The following LINGO2 variants were observed in gnomAD, a reference collection of about 807,000 sequenced individuals.
LINGO2 encodes the protein leucine rich repeat and Ig domain containing 2.
In LINGO2, 14 loss-of-function variants were observed where a neutral mutation model predicts 30.6. The ratio of observed to expected loss-of-function variants is 0.46; its 90% confidence interval spans 0.30 to 0.72. The LOEUF (loss-of-function observed/expected upper bound fraction) is 0.72, where lower values mean the gene tolerates loss of function less well. Ranked by LOEUF, LINGO2 falls within the 30% of genes least tolerant of loss-of-function variation. The pLI is 0.07. For synonymous variants in LINGO2, 317 were observed against 288.5 expected, an observed-to-expected ratio of 1.10 and a Z score of -1.00; for missense variants, 729 against 751.7, an observed-to-expected ratio of 0.97 and a Z score of 0.35.
At chr9:28,853,571 C>T in the LINGO2 span, among the ~76,000 whole-genome samples, 3 of 151,830 alleles carry the variant, frequency 2.0e-5, no homozygotes, top group Non-Finnish European at 4.4e-5. Context: ...ATACCCCAAA[C>T]GGGGTAATTT....
At chr9:28,978,805 C>T in the LINGO2 span, among the ~76,000 whole-genome samples, 1 of 149,890 alleles carries the variant, frequency 6.7e-6, no homozygotes, top group Non-Finnish European at 1.5e-5. Flanking sequence ...TATTTTATCC[C>T]AGGAAAAAAA....
At chr9:28,703,880 T>C in the LINGO2 span, among the ~76,000 whole-genome samples, 9 of 152,026 alleles carry the variant, frequency 5.9e-5, no homozygotes, top group Non-Finnish European at 1.2e-4. Flanking sequence ...CTATTCCTTG[T>C]ATTATTTTTG....
intron 4 of LINGO2, among the ~76,000 whole-genome samples, chr9:28,160,870 T>G (rs2133597865): frequency 6.6e-6 from 1 of 152,300 alleles, no homozygotes; most frequent in East Asian, 1.9e-4. Context: ...TCTCAATTTC[T>G]TAGCTACTCT....
At chr9:28,047,282 C>T (rs907355307) in intron 4 of LINGO2, among the ~76,000 whole-genome samples, 34 of 152,214 alleles carry the variant, frequency 2.2e-4, no homozygotes, top group Admixed American at 7.9e-4. Context: ...GCTTGCCCTC[C>T]TTTTATGGAG....
At chr9:28,155,056 G>T (rs1347733157) in intron 4 of LINGO2, among the ~76,000 whole-genome samples, 1 of 152,172 alleles carries the variant, frequency 6.6e-6, no homozygotes, top group Non-Finnish European at 1.5e-5. Context: ...GTAGTTTATT[G>T]CAGACAAATC....
At chr9:28,575,805 T>C (rs544757397) in intron 1 of LINGO2, among the ~76,000 whole-genome samples, 12 of 152,280 alleles carry the variant, frequency 7.9e-5, no homozygotes, top group African/African-American at 2.4e-4. Context: ...ACCATTTGCA[T>C]GGAACATCCC....
intron 3 of LINGO2, among the ~76,000 whole-genome samples, chr9:28,366,463 C>G (rs965428743): frequency 6.6e-6 from 1 of 152,098 alleles, no homozygotes; most frequent in Non-Finnish European, 1.5e-5. Flanking sequence ...TCACTTGAAA[C>G]CAAAGCCAAA....
chr9:28,752,417 T>C, the LINGO2 span, among the ~76,000 whole-genome samples: 1,245 of 152,056 alleles, frequency 8.2e-3, 12 homozygotes, highest in South Asian at 0.036. Flanking sequence ...GTGCTGTGAG[T>C]AGAGAACATT....
the LINGO2 span, among the ~76,000 whole-genome samples, chr9:28,779,597 C>T: frequency 6.6e-6 from 1 of 152,208 alleles, no homozygotes; most frequent in African/African-American, 2.4e-5. Flanking sequence ...ATTGTGCTGC[C>T]ACATTCATGG....
At position 28,614,243 on chromosome 9, in the gene LINGO2, AT is replaced by A. The variant is rs548954909; in HGVS notation, c.-365+55956del. Among the ~76,000 whole-genome samples the A allele has an allele frequency of 1.6e-4, 25 of 152,228 alleles. No individual in the cohort carries two copies. The South Asian group carries it at 5.2e-3, about 32-fold the overall frequency. On this transcript the variant is annotated intron_variant, in intron 1 of 5. Coordinates refer to ENST00000379992, the Ensembl canonical transcript of LINGO2. ...GTACAAGAGCATCAATAATGAAATC[AT>A]TTTTTATTATAGAATACAGATATTA...
chr9:28,049,621 C>G (rs1315077482), intron 4 of LINGO2, among the ~76,000 whole-genome samples: 1 of 150,602 alleles, frequency 6.6e-6, no homozygotes, highest in South Asian at 2.1e-4. Flanking sequence ...CAAATCTTAT[C>G]TAAAAATGCA....
At chr9:28,553,784 A>G (rs1452764202) in intron 1 of LINGO2, among the ~76,000 whole-genome samples, 1 of 152,072 alleles carries the variant, frequency 6.6e-6, no homozygotes, top group East Asian at 1.9e-4. Context: ...AGCCCATCAG[A>G]CTAACAGCGG....
chr9:28,148,468 G>A lies in LINGO2; in HGVS notation c.-86-136063C>T, dbSNP rs1827882182. ...CAGAAGAGCCCAGAGAAGCAACGGA[G>A]GTGACAGACCAGGTAGAGACCCAGG... is the stretch of plus-strand genomic sequence containing the variant. On this transcript the variant is annotated intron_variant, in intron 4 of 5. Transcript: ENST00000379992. The surrounding 1 kb of genome is among the most constrained non-coding windows in gnomAD (Gnocchi z 5.1). 7.0e-7 allele frequency: 1 copy of A among 1,420,638 alleles called. No homozygotes were observed. The highest frequency in any genetic ancestry group is 2.5e-5 in the East Asian group (1 of 40,284). The allele number at this position is 1,420,638 out of a possible 1,614,324, so 88.0% of individuals were successfully genotyped here.
At chr9:28,627,900 A>C (rs1209260860) in intron 1 of LINGO2, among the ~76,000 whole-genome samples, 1 of 152,118 alleles carries the variant, frequency 6.6e-6, no homozygotes, top group African/African-American at 2.4e-5. Flanking sequence ...TAGGCATTAG[A>C]AATTTTGACC....
intron 2 of LINGO2, among the ~76,000 whole-genome samples, chr9:28,378,749 AT>A (rs1380559484): frequency 6.6e-6 from 1 of 152,196 alleles, no homozygotes; most frequent in Non-Finnish European, 1.5e-5. Context: ...TTTAATTGGG[AT>A]TGTGGAAGAT....
intron 1 of LINGO2, among the ~76,000 whole-genome samples, chr9:28,621,468 C>A (rs934718236): frequency 1.3e-5 from 2 of 151,742 alleles, no homozygotes; most frequent in African/African-American, 2.4e-5. Flanking sequence ...AAGCAGAATA[C>A]CCCAACTGGC....
chr9:29,201,126 A>C, the LINGO2 span, among the ~76,000 whole-genome samples: 2 of 152,062 alleles, frequency 1.3e-5, no homozygotes, highest in East Asian at 1.9e-4. Context: ...GTTTAGATGG[A>C]AGTCACTATG....
At chr9:29,122,980 G>C in the LINGO2 span, among the ~76,000 whole-genome samples, 1 of 152,042 alleles carries the variant, frequency 6.6e-6, no homozygotes, top group African/African-American at 2.4e-5. Flanking sequence ...TTTGCATTCA[G>C]CAGTTCTGGG....
the LINGO2 span, among the ~76,000 whole-genome samples, chr9:29,137,560 T>G: frequency 1.3e-5 from 2 of 152,206 alleles, no homozygotes; most frequent in African/African-American, 4.8e-5. Context: ...AGTAACTTCA[T>G]GACAAGTGTC....
Sources: allele counts gnomAD v4.1 joint callset (sites outside exome capture counted in the v4.1 genomes callset), GRCh38; gene constraint gnomAD v4.1.1; non-coding constraint Gnocchi (gnomAD v3.1); transcripts MANE v1.5; gene names NCBI Gene and HGNC (gene_info 2026-07-23, HGNC 2026-07-21).